The following CAPZB variants were observed in gnomAD, a reference collection of about 807,000 sequenced individuals.
CAPZB encodes the protein capping actin protein of muscle Z-line subunit beta.
CAPZB carries 2 observed loss-of-function variants against 38.1 expected under a neutral mutation model. The observed-to-expected ratio is 0.05, with a 90% CI of 0.02 to 0.17. CAPZB has a LOEUF of 0.17. Ranked by LOEUF, CAPZB falls within the 10% of genes least tolerant of loss-of-function variation. The pLI is 1.00. For synonymous variants in CAPZB, 107 were observed against 127.4 expected, an observed-to-expected ratio of 0.84 and a Z score of 1.08; for missense variants, 161 against 334.2, an observed-to-expected ratio of 0.48 and a Z score of 4.04.
At chr1:19,420,101 A>G (rs1345717237) in intron 1 of CAPZB, 3 of 226,438 alleles carry the variant, frequency 1.3e-5, no homozygotes, top group Non-Finnish European at 2.6e-5. Context: ...TGGTGAACAC[A>G]CTCCAGTAGC....
In CAPZB at chr1:19,374,694, C is replaced by T. The variant is rs186885385; in HGVS notation, c.329+3846G>A. Among the ~76,000 whole-genome samples, 4 of 152,288 alleles carry T rather than the reference C, an allele frequency of 2.6e-5. No individual in the cohort carries two copies. The East Asian group carries it at 7.7e-4, about 29-fold the overall frequency. ...GAGGCTCTGGCCATCTCTCACAGGC[C>T]GGGGACACCAGCCACTTTCCTGGCC... On this transcript the variant is annotated intron_variant, in intron 4 of 8. Transcript: ENST00000264202.
At chr1:19,436,046 G>A (rs1301741344) in intron 1 of CAPZB, among the ~76,000 whole-genome samples, 3 of 152,284 alleles carry the variant, frequency 2.0e-5, no homozygotes, top group African/African-American at 4.8e-5. Flanking sequence ...TCTGAGCCTC[G>A]AGTTCCCCCA....
At chr1:19,456,309 G>T (rs1346545031) in intron 1 of CAPZB, among the ~76,000 whole-genome samples, 2 of 152,180 alleles carry the variant, frequency 1.3e-5, no homozygotes, top group East Asian at 3.8e-4. Context: ...GTAAACAAAA[G>T]AAATTTTAAA....
At chr1:19,415,064 T>A in intron 2 of CAPZB, among the ~76,000 whole-genome samples, 1 of 152,252 alleles carries the variant, frequency 6.6e-6, no homozygotes, top group Non-Finnish European at 1.5e-5. Context: ...CTCACATTTC[T>A]CTTCAATACC....
intron 2 of CAPZB, among the ~76,000 whole-genome samples, chr1:19,395,656 G>A (rs1251138827): frequency 6.6e-6 from 1 of 152,186 alleles, no homozygotes; most frequent in African/African-American, 2.4e-5. Context: ...TTCCCTGAAG[G>A]GGATGAACCA....
At chr1:19,451,145 C>G (rs1437665291) in intron 1 of CAPZB, among the ~76,000 whole-genome samples, 1 of 152,214 alleles carries the variant, frequency 6.6e-6, no homozygotes, top group East Asian at 1.9e-4. Context: ...CTCCTCAGGA[C>G]CAGCTGTTGC....
intron 1 of CAPZB, among the ~76,000 whole-genome samples, chr1:19,480,033 G>A (rs1477313033): frequency 2.0e-5 from 3 of 152,176 alleles, no homozygotes; most frequent in Non-Finnish European, 2.9e-5. Context: ...GCAGGCTGGA[G>A]TGGTCTGCAG....
Position 19,392,316 on chromosome 1 carries a change from G to A in CAPZB, c.94-6690C>T, listed in dbSNP as rs188496964. Among the ~76,000 whole-genome samples, 64 of 152,016 alleles carry A rather than the reference G, an allele frequency of 4.2e-4. 1 individual carries two copies. The highest frequency in any genetic ancestry group is 1.4e-3 in the African/African-American group (60 of 41,472). ...ACATGTGAATAATGACCAAGGAGCC[G>A]GCCCTCCAAGACTGCAGGGAAAAAT... On this transcript the variant is annotated intron_variant, in intron 2 of 8. Transcript: ENST00000264202.
chr1:19,378,217 T>C (rs1197925134), intron 4 of CAPZB, among the ~76,000 whole-genome samples: 2 of 152,210 alleles, frequency 1.3e-5, no homozygotes, highest in Admixed American at 1.3e-4. Context: ...TTATACACAG[T>C]AGGCACTGTA....
In CAPZB at chr1:19,419,690, C is replaced by T. The variant is rs1467668376; in HGVS notation, c.64G>A (p.Glu22Lys). The T allele has an allele frequency of 2.5e-6, 4 of 1,596,932 alleles. No homozygotes were observed. Among genetic ancestry groups the T allele is most frequent in the Non-Finnish European group, 3.4e-6 (4 of 1,170,668 alleles). Residue 22 changes from glutamate to lysine, a missense_variant, in exon 2 of 9, where the codon GAG becomes AAG. Physicochemically the swap from Glu to Lys is moderately conservative, Grantham distance 56 (BLOSUM62 1). Transcript: ENST00000264202. The stretch of plus-strand genomic sequence containing the variant: ...TCGATCAGGTCGCTGAGGTTTTTCT[C>T]GATTTGCTGGGGAGGCAGGCGCCTC... ...LMRRLPPQQIEKNLSDLIDLV... is the reference protein window; with the variant it reads ...LMRRLPPQQIKKNLSDLIDLV...
At chr1:19,465,290 A>G (rs1455233311) in intron 1 of CAPZB, among the ~76,000 whole-genome samples, 1 of 152,132 alleles carries the variant, frequency 6.6e-6, no homozygotes, top group East Asian at 1.9e-4. Context: ...TAATGCCCCT[A>G]TAAGAGGCCC....
At chr1:19,398,274 C>G (rs1281015508) in intron 2 of CAPZB, among the ~76,000 whole-genome samples, 1 of 146,976 alleles carries the variant, frequency 6.8e-6, no homozygotes, top group Non-Finnish European at 1.5e-5. Flanking sequence ...GTGCTGAGCC[C>G]TGTACTCCTC....
intron 2 of CAPZB, among the ~76,000 whole-genome samples, chr1:19,399,798 G>T (rs189324554): frequency 6.6e-6 from 1 of 152,288 alleles, no homozygotes; most frequent in Admixed American, 6.5e-5. Context: ...GAGATAATCG[G>T]TAAGGTTCAT....
intron 6 of CAPZB, among the ~76,000 whole-genome samples, chr1:19,354,735 C>T (rs2094010941): frequency 6.6e-6 from 1 of 152,186 alleles, no homozygotes. Flanking sequence ...AAATATTTGT[C>T]CAGGTCACTG....
intron 2 of CAPZB, among the ~76,000 whole-genome samples, chr1:19,410,352 G>C (rs1405925682): frequency 1.3e-5 from 2 of 152,196 alleles, no homozygotes; most frequent in African/African-American, 4.8e-5. Flanking sequence ...GTTGGTTCTT[G>C]CAGTGCACTG....
chr1:19,431,021 G>A (rs2094440057), intron 1 of CAPZB, among the ~76,000 whole-genome samples: 1 of 152,126 alleles, frequency 6.6e-6, no homozygotes, highest in South Asian at 2.1e-4. Context: ...AGAATCAACA[G>A]GGATGTTACA....
At chr1:19,483,402 C>A (rs2094637558) in intron 1 of CAPZB, among the ~76,000 whole-genome samples, 1 of 152,222 alleles carries the variant, frequency 6.6e-6, no homozygotes, top group East Asian at 1.9e-4. Flanking sequence ...CACTCCACCT[C>A]CTGAGCCTCA....
chr1:19,416,179 G>A (rs2094378297), intron 2 of CAPZB, among the ~76,000 whole-genome samples: 1 of 152,220 alleles, frequency 6.6e-6, no homozygotes, highest in Admixed American at 6.5e-5. Context: ...TTTAAATTAT[G>A]TGAATTTAAC....
chr1:19,436,913 C>T (rs1265036724), intron 1 of CAPZB, among the ~76,000 whole-genome samples: 5 of 152,248 alleles, frequency 3.3e-5, no homozygotes, highest in African/African-American at 9.6e-5. Flanking sequence ...TCTGTGTACC[C>T]GCAGTGTGGC....
Sources: gnomAD v4.1 joint callset for allele counts (sites outside exome capture counted in the v4.1 genomes callset) on GRCh38, gnomAD v4.1.1 for gene constraint, MANE v1.5 for transcripts, NCBI Gene and HGNC (gene_info 2026-07-23, HGNC 2026-07-21) for gene names.